RNF17: variants seen among roughly 807,000 people sequenced by gnomAD.
The protein encoded by RNF17 is spermatogenesis associated 23.
Under a neutral mutation model 200.5 loss-of-function variants are expected in RNF17, and 31 were observed. The observed-to-expected ratio is 0.15, with a 90% CI of 0.12 to 0.21. The LOEUF (loss-of-function observed/expected upper bound fraction) is 0.21, where lower values mean the gene tolerates loss of function less well. Among genes scored for constraint, RNF17 ranks in the 10% least tolerant of loss-of-function variants. The pLI, the probability that RNF17 is intolerant of heterozygous loss-of-function variation, is 1.00. For synonymous variants in RNF17, 606 were observed against 637.8 expected (o/e 0.95, Z 0.75); for missense variants, 1,628 against 1,905.1 (o/e 0.85, Z 2.71).
intron 2 of RNF17, among the ~76,000 whole-genome samples, chr13:24,767,700 A>C (rs895977864): frequency 6.7e-6 from 1 of 149,292 alleles, no homozygotes; most frequent in Non-Finnish European, 1.5e-5. Flanking sequence ...GTGAGCCAAG[A>C]TTGCACCACT....
At chr13:24,870,548 T>A in intron 31 of RNF17, 23 bp from the exon 32 acceptor site, 1 of 1,594,728 alleles carries the variant, frequency 6.3e-7, no homozygotes, top group Non-Finnish European at 8.6e-7. Flanking sequence ...TCTGAAAGTT[T>A]TCCTTTCATT....
Position 24,802,943 on chromosome 13 carries a change from C to G in RNF17, c.1949+372C>G, listed in dbSNP as rs571438877. 5.3e-5 allele frequency among the ~76,000 whole-genome samples: 8 copies of G among 152,280 alleles called. No homozygotes were observed. In the South Asian group the frequency reaches 1.7e-3, roughly 32 times the overall value. On this transcript the variant is annotated intron_variant, in intron 14 of 35. Transcript: ENST00000255324. The stretch of plus-strand genomic sequence containing the variant: ...TGGTGGCATGCATCTGTAGTTCCAG[C>G]TTCTCAGGTCAGGAGCTGAGGTGGG...
At chr13:24,827,034 TG>T (rs1888730776) in intron 16 of RNF17, among the ~76,000 whole-genome samples, 1 of 151,808 alleles carries the variant, frequency 6.6e-6, no homozygotes, top group Non-Finnish European at 1.5e-5. Flanking sequence ...TACTCCAGCC[TG>T]GGCAACAAGA....
chr13:24,885,424 TCTTA>T, the RNF17 span: 5,496 of 1,429,080 alleles, frequency 3.8e-3, 163 homozygotes, highest in African/African-American at 0.067. Context: ...TAAAACCTAC[TCTTA>T]CTTCCAAAGC....
At chr13:24,774,663 G>A in intron 2 of RNF17, 150 bp from the exon 3 acceptor site, 1 of 473,402 alleles carries the variant, frequency 2.1e-6, no homozygotes, top group Non-Finnish European at 3.7e-6. Context: ...ACTCATATAA[G>A]CACGGTTTTC....
At chr13:24,840,461 C>T (rs963164886) in intron 18 of RNF17, among the ~76,000 whole-genome samples, 5 of 152,126 alleles carry the variant, frequency 3.3e-5, no homozygotes, top group Admixed American at 6.5e-5. Context: ...ATTGCAAAAT[C>T]GTGGAACCAA....
intron 17 of RNF17, among the ~76,000 whole-genome samples, chr13:24,831,158 A>G (rs929821405): frequency 1.3e-5 from 2 of 152,112 alleles, no homozygotes; most frequent in African/African-American, 4.8e-5. Flanking sequence ...ACAAATGAGC[A>G]GGTTGGGCGC....
At position 24,804,419 on chromosome 13, in the gene RNF17, A is replaced by G. The variant is rs760895774; in HGVS notation, c.2081A>G (p.Tyr694Cys). The stretch of plus-strand genomic sequence containing the variant: ...CATATAAATAGTCCTGGAGATTTCT[A>G]TCTTCAGTTGGTAAGTATATAATGT... ...VCHINSPGDF[Y>C]LQLIEGLDIL... The change falls in exon 15 of 36, where the codon TAT (tyrosine) becomes TGT (cysteine). Residue 694 changes from tyrosine to cysteine, a missense_variant. By Grantham distance (194) the Tyr-to-Cys change is radical. Around this residue, in one of 5 missense-constraint regions of RNF17, gnomAD observed 289 missense variants for 384.9 expected, o/e 0.75. Coordinates refer to ENST00000255324, the MANE Select transcript of RNF17 (RefSeq NM_031277.3). 60 of 1,610,088 alleles carry G rather than the reference A, an allele frequency of 3.7e-5. No individual in the cohort carries two copies. Among genetic ancestry groups the G allele is most frequent in the Non-Finnish European group, 4.8e-5 (56 of 1,177,846 alleles).
At chr13:24,815,011 GAGA>G (rs1428696134) in intron 15 of RNF17, among the ~76,000 whole-genome samples, 3 of 152,142 alleles carry the variant, frequency 2.0e-5, no homozygotes, top group African/African-American at 7.2e-5. Flanking sequence ...GTGAGAGAGA[GAGA>G]AGGTGTGTGT....
chr13:24,774,979 A>G, intron 3 of RNF17, 75 bp downstream of exon 3: 1 of 996,904 alleles, frequency 1.0e-6, no homozygotes, highest in South Asian at 1.5e-5. Context: ...TATTGATAAA[A>G]TGTCATCCTT....
At chr13:24,751,891 T>TA in the RNF17 span, 20 of 152,326 alleles carry the variant, frequency 1.3e-4, no homozygotes, top group Admixed American at 2.0e-4. Context: ...AAGACAGTAA[T>TA]ATTTTGTTGA....
rs1244738412 is a variant in RNF17, at chr13:24,779,763, G to A, written c.510+16G>A. 11 of 1,589,546 alleles carry A rather than the reference G, an allele frequency of 6.9e-6. No homozygotes were observed. Among genetic ancestry groups the A allele is most frequent in the Non-Finnish European group, 7.8e-6 (9 of 1,158,130 alleles). On this transcript the variant is annotated intron_variant, in intron 5 of 35. Coordinates refer to ENST00000255324, the MANE Select transcript of RNF17 (RefSeq NM_031277.3). ...TGCTGGAAAAGTAAGCACTTTGCAGGATTAAATTCTATCATGAAGTGAAGC... is the reference window on the plus strand; with the variant it reads ...TGCTGGAAAAGTAAGCACTTTGCAGAATTAAATTCTATCATGAAGTGAAGC...
At chr13:24,814,865 G>A (rs1887189448) in intron 15 of RNF17, among the ~76,000 whole-genome samples, 1 of 152,078 alleles carries the variant, frequency 6.6e-6, no homozygotes, top group Non-Finnish European at 1.5e-5. Flanking sequence ...TTTTAGGATG[G>A]GTTTTTCTGT....
chr13:24,848,082 C>G (rs1489536777), intron 22 of RNF17, among the ~76,000 whole-genome samples: 1 of 152,078 alleles, frequency 6.6e-6, no homozygotes, highest in Non-Finnish European at 1.5e-5. Context: ...CTTAAAGACA[C>G]TATTTCACTT....
chr13:24,832,551 T>C (rs1038341511), intron 18 of RNF17, among the ~76,000 whole-genome samples: 3 of 152,230 alleles, frequency 2.0e-5, no homozygotes, highest in African/African-American at 7.2e-5. Flanking sequence ...GTATATAGTT[T>C]TTATCTCGTT....
chr13:24,781,020 T>G (rs1420305006), intron 5 of RNF17, among the ~76,000 whole-genome samples: 7 of 152,210 alleles, frequency 4.6e-5, no homozygotes, highest in African/African-American at 1.7e-4. Flanking sequence ...AGAACTTAGT[T>G]GCTTCTAAAA....
chr13:24,841,122 A>G (rs867335295), intron 18 of RNF17, among the ~76,000 whole-genome samples: 1 of 152,336 alleles, frequency 6.6e-6, no homozygotes, highest in South Asian at 2.1e-4. Flanking sequence ...TGTGCAAAGT[A>G]CCATAAATAA....
chr13:24,828,528 C>G (rs1889007134), intron 16 of RNF17, among the ~76,000 whole-genome samples: 2 of 151,972 alleles, frequency 1.3e-5, no homozygotes, highest in African/African-American at 2.4e-5. Context: ...TCAGTTGACA[C>G]TTCAGTTTTA....
intron 2 of RNF17, among the ~76,000 whole-genome samples, chr13:24,771,935 C>T (rs1178276776): frequency 1.3e-5 from 2 of 151,758 alleles, no homozygotes; most frequent in Non-Finnish European, 2.9e-5. Flanking sequence ...ACCCAGGAGG[C>T]GGAGGTTGCA....
Sources: allele counts gnomAD v4.1 joint callset (sites outside exome capture counted in the v4.1 genomes callset), GRCh38; gene constraint gnomAD v4.1.1; regional missense constraint gnomAD v4.1.1; transcripts MANE v1.5; gene names NCBI Gene and HGNC (gene_info 2026-07-23, HGNC 2026-07-21).